SPTBN1: variants seen among roughly 807,000 people sequenced by gnomAD.
SPTBN1 encodes the protein spectrin beta, non-erythrocytic 1.
SPTBN1 carries 32 observed loss-of-function variants against 266.4 expected under a neutral mutation model. That is an observed-to-expected ratio of 0.12 (90% CI 0.09 to 0.16). The LOEUF (loss-of-function observed/expected upper bound fraction) is 0.16, where lower values mean the gene tolerates loss of function less well. Among genes scored for constraint, SPTBN1 ranks in the 10% least tolerant of loss-of-function variants. The pLI is 1.00. For synonymous variants in SPTBN1, 1,336 were observed against 1,162.2 expected, an observed-to-expected ratio of 1.15 and a Z score of -3.04; for missense variants, 2,296 against 3,067.1, an observed-to-expected ratio of 0.75 and a Z score of 5.94.
Position 54,629,504 on chromosome 2 carries a change from G to C in SPTBN1, c.2370G>C (p.Ala790=), listed in dbSNP as rs987567311. 1 of 1,614,122 alleles carries C rather than the reference G, an allele frequency of 6.2e-7. No individual in the cohort carries two copies. Among genetic ancestry groups the C allele is most frequent in the East Asian group, 2.2e-5 (1 of 44,888 alleles). ...QSLVKKHKDV[A]EEIANYRPTL... ...TGGTCAAGAAACACAAGGACGTGGCGGAAGAGATCGCCAATTACAGGCCCA... is the reference window on the plus strand; with the variant it reads ...TGGTCAAGAAACACAAGGACGTGGCCGAAGAGATCGCCAATTACAGGCCCA... The change falls in exon 14 of 36, where the codon GCG becomes GCC. Residue 790 remains alanine, a synonymous_variant. Transcript: ENST00000356805.
chr2:54,650,686 C>T (rs1007716487), intron 26 of SPTBN1, among the ~76,000 whole-genome samples: 2 of 152,156 alleles, frequency 1.3e-5, no homozygotes, highest in African/African-American at 4.8e-5. Context: ...GTTATCTCAG[C>T]TTTTTCTGTT....
At chr2:54,615,369 C>T (rs942493465) in intron 4 of SPTBN1, among the ~76,000 whole-genome samples, 2 of 152,190 alleles carry the variant, frequency 1.3e-5, no homozygotes, top group African/African-American at 4.8e-5. Flanking sequence ...CAGCACCATC[C>T]ACTCCTGACT....
At chr2:54,507,429 T>C (rs1481274170) in intron 1 of SPTBN1, among the ~76,000 whole-genome samples, 1 of 152,124 alleles carries the variant, frequency 6.6e-6, no homozygotes, top group Non-Finnish European at 1.5e-5. Flanking sequence ...TGGGGCAACA[T>C]GGAAACCTAG....
intron 1 of SPTBN1, among the ~76,000 whole-genome samples, chr2:54,494,637 A>G (rs1668869885): frequency 6.6e-6 from 1 of 152,240 alleles, no homozygotes; most frequent in African/African-American, 2.4e-5. Flanking sequence ...AGACAAAAAA[A>G]GAGTTCTAAC....
intron 2 of SPTBN1, among the ~76,000 whole-genome samples, chr2:54,571,617 GGCTTCTGGAA>G (rs1219297844): frequency 6.7e-6 from 1 of 150,214 alleles, no homozygotes; most frequent in East Asian, 1.9e-4. Flanking sequence ...ATAAATAAAG[GGCTTCTGGAA>G]GCTGGCTGCC....
chr2:54,617,803 A>G (rs1480500222), intron 6 of SPTBN1, 115 bp downstream of exon 6: 4 of 991,296 alleles, frequency 4.0e-6, no homozygotes, highest in African/African-American at 1.6e-5. Context: ...CGTGGTGGAA[A>G]TTTCTGCATT....
chr2:54,625,732 A>G (rs1678278081), intron 11 of SPTBN1, among the ~76,000 whole-genome samples, 200 bp from the exon 12 acceptor site: 1 of 152,110 alleles, frequency 6.6e-6, no homozygotes, highest in Non-Finnish European at 1.5e-5. Context: ...CTGGCATTAC[A>G]GGCACGTGCC....
chr2:54,601,334 C>T (rs1375647225), intron 3 of SPTBN1, among the ~76,000 whole-genome samples: 1 of 152,168 alleles, frequency 6.6e-6, no homozygotes, highest in Non-Finnish European at 1.5e-5. Context: ...TCTTGTTCAT[C>T]TGGGCTGGAG....
chr2:54,456,874 T>A (rs1693062514), intron 1 of SPTBN1, among the ~76,000 whole-genome samples: 1 of 151,114 alleles, frequency 6.6e-6, no homozygotes. Context: ...GGCGCCTCCC[T>A]GCAGCCGGGC....
chr2:54,467,417 A>G (rs984638203), intron 1 of SPTBN1, among the ~76,000 whole-genome samples: 1 of 152,220 alleles, frequency 6.6e-6, no homozygotes, highest in African/African-American at 2.4e-5. Context: ...TGTTGGAGAC[A>G]AAGTCTTGCT....
Position 54,622,292 on chromosome 2 carries a change from G to A in SPTBN1, c.877-8G>A, listed in dbSNP as rs753905284. ...GATCTTTTCAATTTTTCTATCCCTT[G>A]TTGCCAGGTGCTTGACAATGCTATT... On this transcript the variant is annotated splice_polypyrimidine_tract_variant and splice_region_variant and intron_variant, in intron 8 of 35. Coordinates refer to ENST00000356805, the MANE Select transcript of SPTBN1 (RefSeq NM_003128.3). The A allele has an allele frequency of 1.2e-6, 2 of 1,612,664 alleles. No homozygotes were observed. The highest frequency in any genetic ancestry group is 1.7e-6 in the Non-Finnish European group (2 of 1,179,072).
At chr2:54,507,615 A>AT (rs1669641637) in intron 1 of SPTBN1, among the ~76,000 whole-genome samples, 1 of 152,200 alleles carries the variant, frequency 6.6e-6, no homozygotes, top group South Asian at 2.1e-4. Context: ...AAAAACAGGT[A>AT]TAAAAGGACT....
rs1344916905 is a variant in SPTBN1, at chr2:54,558,712, T to C, written c.148+32146T>C. ...GCTGCGGAGGCTGCTGCGTGTTGGA[T>C]GGGAGTGGGAGGGGGCTGGAGCGAG... On this transcript the variant is annotated intron_variant, in intron 2 of 35. Transcript: ENST00000356805. The surrounding 1 kb of genome is among the most constrained non-coding windows in gnomAD (Gnocchi z 4.6). 1.5e-5 allele frequency: 23 copies of C among 1,567,462 alleles called. No homozygotes were observed. The highest frequency in any genetic ancestry group is 2.0e-5 in the Non-Finnish European group (23 of 1,152,014).
In SPTBN1 at chr2:54,670,366, T is replaced by C. The variant is rs1681647094; in HGVS notation, c.*1797T>C. The C allele has an allele frequency of 4.3e-6, 1 of 233,972 alleles. No homozygotes were observed. Among genetic ancestry groups the C allele is most frequent in the Non-Finnish European group, 8.2e-6 (1 of 121,578 alleles). The allele number at this position is 233,972 out of a possible 1,614,324, so 14.5% of individuals were successfully genotyped here. On this transcript the variant is annotated 3_prime_UTR_variant, in exon 36 of 36. Transcript: ENST00000356805. ...ACTTGCATAAAGCAGCAATGGATAT[T>C]AGTATTATGGATGTCCAGTAAGTTA...
At chr2:54,534,818 CAG>C (rs1671503507) in intron 2 of SPTBN1, among the ~76,000 whole-genome samples, 1 of 152,192 alleles carries the variant, frequency 6.6e-6, no homozygotes, top group Non-Finnish European at 1.5e-5. Flanking sequence ...CTCGTGCTCC[CAG>C]AGTTTCTGAC....
intron 2 of SPTBN1, among the ~76,000 whole-genome samples, chr2:54,541,180 A>T (rs1482192614): frequency 6.6e-6 from 1 of 152,356 alleles, no homozygotes; most frequent in South Asian, 2.1e-4. Flanking sequence ...ATTTTGGAGA[A>T]GTAAGCCTAC....
chr2:54,534,512 C>T (rs548729244), intron 2 of SPTBN1, among the ~76,000 whole-genome samples: 95 of 152,320 alleles, frequency 6.2e-4, no homozygotes, highest in Admixed American at 5.0e-3. Context: ...GGTCTTTGCA[C>T]GTAGTCCTAG....
chr2:54,555,579 G>A (rs1376920127), intron 2 of SPTBN1, among the ~76,000 whole-genome samples: 1 of 152,060 alleles, frequency 6.6e-6, no homozygotes, highest in Non-Finnish European at 1.5e-5. Context: ...TCTCCTTTCT[G>A]CCCATTCTTA....
chr2:54,584,295 C>A (rs1675138895), intron 2 of SPTBN1, among the ~76,000 whole-genome samples: 1 of 152,120 alleles, frequency 6.6e-6, no homozygotes, highest in Non-Finnish European at 1.5e-5. Flanking sequence ...TATTTAGTTT[C>A]TAGTCTTTTC....
Sources: gnomAD v4.1 joint callset for allele counts (sites outside exome capture counted in the v4.1 genomes callset) on GRCh38, gnomAD v4.1.1 for gene constraint, Gnocchi (gnomAD v3.1) non-coding constraint, MANE v1.5 for transcripts, NCBI Gene and HGNC (gene_info 2026-07-23, HGNC 2026-07-21) for gene names.